Variants in GPHN observed in about 807,000 individuals in gnomAD.
GPHN encodes gephyrin.
A neutral mutation model predicts 95.5 loss-of-function variants in GPHN; 17 were observed. The ratio of observed to expected loss-of-function variants is 0.18; its 90% CI spans 0.12 to 0.27. The LOEUF is 0.27. Among genes scored for constraint, GPHN ranks in the 10% least tolerant of loss-of-function variants. GPHN has a pLI of 1.00. For synonymous variants in GPHN, 320 were observed against 322.5 expected (o/e 0.99, Z 0.08); for missense variants, 660 against 978.1 (o/e 0.67, Z 4.34).
chr14:67,322,792 A>G, the GPHN span, among the ~76,000 whole-genome samples: 1 of 152,170 alleles, frequency 6.6e-6, no homozygotes, highest in African/African-American at 2.4e-5. Context: ...TAATCATCTT[A>G]ATGTTTTTAG....
chr14:67,419,225 C>CT, the GPHN span, among the ~76,000 whole-genome samples: 1 of 152,054 alleles, frequency 6.6e-6, no homozygotes, highest in Non-Finnish European at 1.5e-5. Context: ...AGTGGGTAAA[C>CT]AAGAGAGGGG....
the GPHN span, among the ~76,000 whole-genome samples, chr14:67,483,729 G>C: frequency 6.6e-6 from 1 of 152,218 alleles, no homozygotes; most frequent in Admixed American, 6.5e-5. Context: ...CCCCCTGACT[G>C]CCAGCCCACA....
intron 9 of GPHN, among the ~76,000 whole-genome samples, chr14:66,971,470 C>T (rs550547794): frequency 1.6e-4 from 24 of 152,222 alleles, no homozygotes; most frequent in Admixed American, 8.5e-4. Context: ...GTTAATATCT[C>T]GCTTAATAGA....
At chr14:67,350,361 T>C in the GPHN span, among the ~76,000 whole-genome samples, 1 of 151,660 alleles carries the variant, frequency 6.6e-6, no homozygotes, top group Admixed American at 6.6e-5. Context: ...TAAGGAAAAA[T>C]GTTTATGATA....
chr14:67,017,902 A>T (rs896256333), intron 9 of GPHN, among the ~76,000 whole-genome samples: 16 of 152,136 alleles, frequency 1.1e-4, no homozygotes, highest in Non-Finnish European at 2.4e-4. Flanking sequence ...TCATACTTAT[A>T]CTATTAAAAA....
rs779482175 is a variant in GPHN, at chr14:67,100,948, A to G, written c.1293+37A>G. ...AGGCCTGAAAGGCACTGAAGATTTC[A>G]GCTTCATGGACTTTGGGCATCTAAT... On this transcript the variant is annotated intron_variant, in intron 13 of 22. Coordinates refer to ENST00000478722, the MANE Select transcript of GPHN (RefSeq NM_020806.5). 16 of 1,246,074 alleles carry G rather than the reference A, an allele frequency of 1.3e-5. No individual in the cohort carries two copies. In the Admixed American group the frequency reaches 2.4e-4, roughly 18 times the overall value. The allele number at this position is 1,246,074 out of a possible 1,614,324, so 77.2% of individuals were successfully genotyped here.
At chr14:66,779,595 A>G (rs1249724473) in intron 3 of GPHN, among the ~76,000 whole-genome samples, 1 of 152,190 alleles carries the variant, frequency 6.6e-6, no homozygotes, top group Non-Finnish European at 1.5e-5. Context: ...TTTTATGGAA[A>G]TACATAGAAG....
chr14:67,016,094 T>C (rs1459681716), intron 9 of GPHN, among the ~76,000 whole-genome samples: 1 of 152,008 alleles, frequency 6.6e-6, no homozygotes, highest in Non-Finnish European at 1.5e-5. Flanking sequence ...AGACAGCAAA[T>C]AGAGGTGGGA....
At chr14:67,466,237 G>T in the GPHN span, among the ~76,000 whole-genome samples, 1 of 152,240 alleles carries the variant, frequency 6.6e-6, no homozygotes, top group Non-Finnish European at 1.5e-5. Flanking sequence ...GAGGCAAAGA[G>T]CCAGACCATA....
chr14:67,088,322 TCTTTC>T (rs1280941962), intron 11 of GPHN, among the ~76,000 whole-genome samples: 1 of 152,194 alleles, frequency 6.6e-6, no homozygotes, highest in East Asian at 1.9e-4. Context: ...TCATGTATGT[TCTTTC>T]CTTTTCTACT....
At chr14:67,038,680 A>G (rs1406341082) in intron 10 of GPHN, among the ~76,000 whole-genome samples, 1 of 152,028 alleles carries the variant, frequency 6.6e-6, no homozygotes, top group Admixed American at 6.6e-5. Flanking sequence ...CAAGCTCCAG[A>G]TTCTCCTTGC....
intron 8 of GPHN, among the ~76,000 whole-genome samples, chr14:66,937,994 T>C (rs2067217298): frequency 6.6e-6 from 1 of 152,208 alleles, no homozygotes; most frequent in Non-Finnish European, 1.5e-5. Context: ...AACCTTCTGC[T>C]CCAGGTACTA....
chr14:67,336,094 T>TA, the GPHN span: 1 of 152,148 alleles, frequency 6.6e-6, no homozygotes, highest in African/African-American at 2.4e-5. Flanking sequence ...GAGAAGGAGG[T>TA]ATGTAATAAT....
At chr14:67,602,946 A>G in the GPHN span, among the ~76,000 whole-genome samples, 31 of 152,348 alleles carry the variant, frequency 2.0e-4, no homozygotes, top group African/African-American at 6.7e-4. Context: ...CTATGTATTT[A>G]TACATTTTAA....
At chr14:66,982,251 C>T (rs921519155) in intron 9 of GPHN, among the ~76,000 whole-genome samples, 2 of 152,036 alleles carry the variant, frequency 1.3e-5, no homozygotes, top group African/African-American at 4.8e-5. Context: ...TCAGTGAGCT[C>T]AGTTTTGGGA....
intron 3 of GPHN, among the ~76,000 whole-genome samples, chr14:66,814,302 C>T (rs1024399994): frequency 3.3e-5 from 5 of 152,188 alleles, no homozygotes; most frequent in African/African-American, 1.2e-4. Flanking sequence ...AAGCCAACAC[C>T]ACCTCCAGTG....
intron 1 of GPHN, among the ~76,000 whole-genome samples, chr14:66,532,828 A>G (rs533772192): frequency 3.9e-5 from 6 of 152,320 alleles, no homozygotes; most frequent in African/African-American, 1.4e-4. Flanking sequence ...ACTTTGGGAA[A>G]AACAGTGTCA....
intron 1 of GPHN, among the ~76,000 whole-genome samples, chr14:66,600,433 A>T (rs1445304006): frequency 6.6e-6 from 1 of 152,134 alleles, no homozygotes; most frequent in Non-Finnish European, 1.5e-5. Flanking sequence ...GTAGCAGTGA[A>T]TAATAAATTA....
In GPHN at chr14:66,568,909, A is replaced by G. The variant is rs531774447; in HGVS notation, c.64+60318A>G. 4.6e-5 allele frequency among the ~76,000 whole-genome samples: 7 copies of G among 152,270 alleles called. No homozygotes were observed. The South Asian group carries it at 1.4e-3, about 32-fold the overall frequency. ...CAGTCCATCATTTCTTAAGTTCATAAGCATGTTTATAAATGTATGATTAGA... is the reference window on the plus strand; with the variant it reads ...CAGTCCATCATTTCTTAAGTTCATAGGCATGTTTATAAATGTATGATTAGA... On this transcript the variant is annotated intron_variant, in intron 1 of 22. Coordinates refer to ENST00000478722, the MANE Select transcript of GPHN (RefSeq NM_020806.5).
Sources: gnomAD v4.1 joint callset for allele counts (sites outside exome capture counted in the v4.1 genomes callset) on GRCh38, gnomAD v4.1.1 for gene constraint, MANE v1.5 for transcripts, NCBI Gene and HGNC (gene_info 2026-07-23, HGNC 2026-07-21) for gene names.